EHMT1: variants seen among roughly 807,000 people sequenced by gnomAD.
The protein encoded by EHMT1 is euchromatic histone lysine methyltransferase 1.
A neutral mutation model predicts 147.2 loss-of-function variants in EHMT1; 15 were observed. The ratio of observed to expected loss-of-function variants is 0.10; its 90% CI spans 0.07 to 0.16. The LOEUF (loss-of-function observed/expected upper bound fraction) is 0.16. Among genes scored for constraint, EHMT1 ranks in the 10% least tolerant of loss-of-function variants. EHMT1 has a pLI of 1.00. For missense variants in EHMT1, 1,587 were observed against 1,772.4 expected (o/e 0.90, Z 1.88); for synonymous variants, 795 against 709.6 (o/e 1.12, Z -1.91).
At chr9:137,753,418 C>T (rs1057373554) in intron 7 of EHMT1, among the ~76,000 whole-genome samples, 4 of 152,122 alleles carry the variant, frequency 2.6e-5, no homozygotes, top group African/African-American at 7.2e-5. Context: ...TTTTGCCGTG[C>T]GGGGAGCACA....
chr9:137,792,051 A>T (rs1322305703), intron 16 of EHMT1: 5 of 461,226 alleles, frequency 1.1e-5, no homozygotes, highest in Admixed American at 5.1e-5. Context: ...TTTTTTTTTT[A>T]CAGATACAGA....
At chr9:137,692,168 G>A (rs1030680544) in intron 1 of EHMT1, among the ~76,000 whole-genome samples, 4 of 152,090 alleles carry the variant, frequency 2.6e-5, no homozygotes, top group African/African-American at 7.2e-5. Context: ...CTCCTTCAGC[G>A]CTGATGAAGA....
Position 137,787,977 on chromosome 9 carries a change from G to T in EHMT1, c.2383-2871G>T. 4 of 1,480,138 alleles carry T rather than the reference G, an allele frequency of 2.7e-6. No individual in the cohort carries two copies. The highest frequency in any genetic ancestry group is 3.8e-6 in the Non-Finnish European group (4 of 1,066,642). 91.7% of individuals were successfully genotyped at this position (1,480,138 alleles called of 1,614,324 possible). On this transcript the variant is annotated intron_variant, in intron 15 of 26. Coordinates refer to ENST00000460843, the MANE Select transcript of EHMT1 (RefSeq NM_024757.5). The surrounding 1 kb of genome is among the most constrained non-coding windows in gnomAD (Gnocchi z 4.2). Reference sequence around the variant, plus strand: ...GTGTCCCCCACTGGACAGCCCCCCAGGAACTGAGGTGCCCTGCAGTAAGTG... The same window carrying T: ...GTGTCCCCCACTGGACAGCCCCCCATGAACTGAGGTGCCCTGCAGTAAGTG...
chr9:137,800,098 G>A (rs926296451), intron 17 of EHMT1, among the ~76,000 whole-genome samples: 2 of 152,076 alleles, frequency 1.3e-5, no homozygotes, highest in South Asian at 2.1e-4. Flanking sequence ...AGCTTTAATC[G>A]TGGAGGCTGC....
chr9:137,789,719 G>GT, intron 15 of EHMT1, among the ~76,000 whole-genome samples: 1 of 152,106 alleles, frequency 6.6e-6, no homozygotes, highest in East Asian at 1.9e-4. Context: ...TCTGTTTTGT[G>GT]GTTTTTTGTT....
intron 8 of EHMT1, among the ~76,000 whole-genome samples, chr9:137,756,308 G>A (rs1352868970): frequency 6.6e-6 from 1 of 152,228 alleles, no homozygotes; most frequent in Non-Finnish European, 1.5e-5. Context: ...TTGACATTCA[G>A]TGTGTGGGCT....
intron 1 of EHMT1, among the ~76,000 whole-genome samples, chr9:137,682,715 T>TC (rs1942065897): frequency 6.6e-6 from 1 of 152,196 alleles, no homozygotes; most frequent in African/African-American, 2.4e-5. Flanking sequence ...CGGTGAGCTG[T>TC]CCCTGGGGTC....
intron 10 of EHMT1, among the ~76,000 whole-genome samples, chr9:137,768,437 G>A (rs1293111006): frequency 1.5e-5 from 2 of 131,744 alleles, no homozygotes; most frequent in East Asian, 2.3e-4. Flanking sequence ...CACTGCAATC[G>A]CTGCCTCCCA....
chr9:137,759,722 T>G (rs1355159882), intron 9 of EHMT1, among the ~76,000 whole-genome samples: 1 of 152,142 alleles, frequency 6.6e-6, no homozygotes, highest in Non-Finnish European at 1.5e-5. Flanking sequence ...AGATCATCAG[T>G]GTGTAGAAGA....
intron 1 of EHMT1, among the ~76,000 whole-genome samples, chr9:137,634,489 G>A (rs2501569): frequency 0.045 from 6,844 of 152,170 alleles, 505 homozygotes; most frequent in African/African-American, 0.16. Context: ...GTTCTATTCC[G>A]TTGATGTATA....
intron 3 of EHMT1, among the ~76,000 whole-genome samples, chr9:137,717,605 CAAA>C (rs1163785484): frequency 8.6e-5 from 6 of 69,622 alleles, no homozygotes; most frequent in Non-Finnish European, 7.8e-5. Context: ...GACCCTGTCT[CAAA>C]AAAAAAAAAA....
At chr9:137,743,242 C>A in intron 4 of EHMT1, 129 bp from the exon 5 acceptor site, 1 of 1,175,664 alleles carries the variant, frequency 8.5e-7, no homozygotes, top group Non-Finnish European at 1.2e-6. Flanking sequence ...GGCAGTGGGC[C>A]TGTTGTGATG....
chr9:137,799,600 A>T (rs1338842426), intron 17 of EHMT1, among the ~76,000 whole-genome samples: 1 of 152,138 alleles, frequency 6.6e-6, no homozygotes, highest in Admixed American at 6.5e-5. Flanking sequence ...CTCACCATGC[A>T]CTGGGGGTCC....
intron 4 of EHMT1, among the ~76,000 whole-genome samples, chr9:137,742,758 C>G (rs1393502887): frequency 6.6e-6 from 1 of 152,098 alleles, no homozygotes; most frequent in Non-Finnish European, 1.5e-5. Context: ...ACTGTCTTTC[C>G]CCTTAGTCAC....
chr9:137,752,722 C>G (rs3123515), intron 7 of EHMT1, among the ~76,000 whole-genome samples: 72,850 of 150,600 alleles, frequency 0.48, 20,924 homozygotes, highest in African/African-American at 0.8. Flanking sequence ...AGCAAGGACA[C>G]CTGTTTGGGA....
chr9:137,729,943 A>G (rs1946961441), intron 4 of EHMT1, among the ~76,000 whole-genome samples: 1 of 152,202 alleles, frequency 6.6e-6, no homozygotes, highest in Non-Finnish European at 1.5e-5. Flanking sequence ...AGGGCAAAGG[A>G]CAAATAAAAT....
At chr9:137,826,005 A>G (rs1183272496) in intron 25 of EHMT1, among the ~76,000 whole-genome samples, 1 of 152,212 alleles carries the variant, frequency 6.6e-6, no homozygotes, top group Admixed American at 6.5e-5. Context: ...AAAAAAATCT[A>G]TTGAAATAAG....
intron 1 of EHMT1, among the ~76,000 whole-genome samples, chr9:137,637,149 C>G (rs1161279508): frequency 4.6e-5 from 7 of 151,518 alleles, no homozygotes; most frequent in African/African-American, 1.5e-4. Context: ...TGCCCGTCTC[C>G]ACCTCCCAAA....
chr9:137,779,800 C>T (rs2136767236), intron 14 of EHMT1, 83 bp downstream of exon 14: 1 of 1,472,294 alleles, frequency 6.8e-7, no homozygotes, highest in Non-Finnish European at 9.3e-7. Flanking sequence ...ACTCCTTCCT[C>T]AGGAGGCTGG....
Sources: allele counts gnomAD v4.1 joint callset (sites outside exome capture counted in the v4.1 genomes callset), GRCh38; gene constraint gnomAD v4.1.1; non-coding constraint Gnocchi (gnomAD v3.1); transcripts MANE v1.5; gene names NCBI Gene and HGNC (gene_info 2026-07-23, HGNC 2026-07-21).